NLGN1: variants seen among roughly 807,000 people sequenced by gnomAD.
NLGN1 encodes the protein neuroligin-1.
A neutral mutation model predicts 65.5 loss-of-function variants in NLGN1; 12 were observed. The ratio of observed to expected loss-of-function variants is 0.18; its 90% CI spans 0.12 to 0.30. The LOEUF (loss-of-function observed/expected upper bound fraction) is 0.30. Among genes scored for constraint, NLGN1 ranks in the 10% least tolerant of loss-of-function variants. NLGN1 has a pLI of 1.00. For missense variants in NLGN1, 750 were observed against 1,007.1 expected (o/e 0.74, Z 3.46); for synonymous variants, 350 against 359.5 (o/e 0.97, Z 0.30).
intron 4 of NLGN1, among the ~76,000 whole-genome samples, chr3:174,064,245 T>C (rs1056582841): frequency 3.3e-5 from 5 of 152,058 alleles, no homozygotes; most frequent in African/African-American, 9.7e-5. Flanking sequence ...AGACAACACT[T>C]TTTTCCCAAC....
chr3:173,570,390 T>C (rs2149329128), intron 2 of NLGN1, among the ~76,000 whole-genome samples: 1 of 152,256 alleles, frequency 6.6e-6, no homozygotes, highest in East Asian at 1.9e-4. Context: ...GGAAGGGAAG[T>C]GGCCAGCTTG....
At chr3:173,522,691 C>G (rs935769928) in intron 2 of NLGN1, among the ~76,000 whole-genome samples, 11 of 152,126 alleles carry the variant, frequency 7.2e-5, no homozygotes, top group Non-Finnish European at 1.2e-4. Flanking sequence ...CCTTGGCCTC[C>G]CAAAGTGCTG....
At chr3:173,562,872 G>A (rs1016265872) in intron 2 of NLGN1, among the ~76,000 whole-genome samples, 6 of 152,086 alleles carry the variant, frequency 3.9e-5, no homozygotes, top group African/African-American at 1.4e-4. Flanking sequence ...AATCAGATTT[G>A]TAGCTAAGGA....
At chr3:173,841,624 T>C (rs1578733787) in intron 4 of NLGN1, among the ~76,000 whole-genome samples, 1 of 152,140 alleles carries the variant, frequency 6.6e-6, no homozygotes, top group African/African-American at 2.4e-5. Flanking sequence ...GAAGTCTCAG[T>C]AGCAAATGAA....
intron 3 of NLGN1, among the ~76,000 whole-genome samples, chr3:173,674,442 AT>A (rs1267001344): frequency 2.0e-5 from 3 of 152,114 alleles, no homozygotes; most frequent in Non-Finnish European, 4.4e-5. Context: ...CAAAAAAAAA[AT>A]TTAGCCAACA....
intron 3 of NLGN1, among the ~76,000 whole-genome samples, chr3:173,716,853 TTGA>T (rs1483211090): frequency 6.6e-6 from 1 of 152,148 alleles, no homozygotes; most frequent in Admixed American, 6.6e-5. Flanking sequence ...GTCGTGTATC[TTGA>T]TGAAGATATC....
At chr3:173,666,360 GCT>G (rs973991740) in intron 3 of NLGN1, among the ~76,000 whole-genome samples, 1 of 152,054 alleles carries the variant, frequency 6.6e-6, no homozygotes, top group African/African-American at 2.4e-5. Context: ...CAAACCATTA[GCT>G]CAGATGTATT....
chr3:174,151,809 T>C (rs1333096551), intron 4 of NLGN1, among the ~76,000 whole-genome samples: 1 of 152,128 alleles, frequency 6.6e-6, no homozygotes, highest in African/African-American at 2.4e-5. Context: ...ATTCCTAAAG[T>C]CTTCGAAAGA....
chr3:173,584,058 GA>G (rs1427780059), intron 2 of NLGN1, among the ~76,000 whole-genome samples: 3 of 147,740 alleles, frequency 2.0e-5, no homozygotes, highest in Non-Finnish European at 4.4e-5. Flanking sequence ...TGCCATTGGG[GA>G]AATTTTTGTA....
intron 4 of NLGN1, among the ~76,000 whole-genome samples, chr3:173,994,452 A>G (rs1158357942): frequency 7.6e-6 from 1 of 131,416 alleles, no homozygotes; most frequent in African/African-American, 3.0e-5. Context: ...TTTTATTTTA[A>G]CCTTGAGAAA....
chr3:173,600,820 A>C (rs1286586513), intron 2 of NLGN1, among the ~76,000 whole-genome samples: 1 of 151,558 alleles, frequency 6.6e-6, no homozygotes, highest in Non-Finnish European at 1.5e-5. Context: ...ATTCAGTGCA[A>C]TAGCTTGCAC....
chr3:174,156,830 T>G (rs1470566217), intron 4 of NLGN1, among the ~76,000 whole-genome samples: 1 of 151,692 alleles, frequency 6.6e-6, no homozygotes, highest in East Asian at 1.9e-4. Context: ...CGTGGCAAGT[T>G]AATTGTAAAC....
chr3:173,769,569 T>G (rs1779283745), intron 3 of NLGN1, among the ~76,000 whole-genome samples: 1 of 152,222 alleles, frequency 6.6e-6, no homozygotes, highest in African/African-American at 2.4e-5. Context: ...CTGTCTGCCC[T>G]TCTAGGTGCT....
intron 4 of NLGN1, among the ~76,000 whole-genome samples, chr3:173,839,430 G>GT (rs536743422): frequency 0.053 from 7,618 of 143,552 alleles, 477 homozygotes; most frequent in East Asian, 0.19. Context: ...TTGTTTTTTT[G>GT]TTTTTTTTTT....
chr3:174,256,921 T>C (rs977047328), intron 4 of NLGN1, among the ~76,000 whole-genome samples: 1 of 152,072 alleles, frequency 6.6e-6, no homozygotes, highest in African/African-American at 2.4e-5. Context: ...GGGATCTAAT[T>C]AAACTAAAGA....
intron 3 of NLGN1, among the ~76,000 whole-genome samples, chr3:173,743,309 C>T (rs746187060): frequency 6.6e-6 from 1 of 152,100 alleles, no homozygotes; most frequent in Non-Finnish European, 1.5e-5. Flanking sequence ...TTCTGAGTAG[C>T]TTGTCCTAGA....
intron 3 of NLGN1, among the ~76,000 whole-genome samples, chr3:173,661,830 G>A (rs530858823): frequency 1.4e-4 from 22 of 152,080 alleles, no homozygotes; most frequent in African/African-American, 4.8e-4. Context: ...TACCCATATC[G>A]TTAATATAAA....
At chr3:173,580,694 TCTC>T (rs1254480014) in intron 2 of NLGN1, among the ~76,000 whole-genome samples, 1 of 151,976 alleles carries the variant, frequency 6.6e-6, no homozygotes, top group Non-Finnish European at 1.5e-5. Context: ...TCCTTTCACT[TCTC>T]CTTTTACTCC....
intron 3 of NLGN1, among the ~76,000 whole-genome samples, chr3:173,746,866 G>A (rs899322554): frequency 2.0e-5 from 3 of 151,584 alleles, no homozygotes; most frequent in Non-Finnish European, 4.4e-5. Context: ...AACATAACAA[G>A]ATCTTCTCCC....
Sources: gnomAD v4.1 joint callset for allele counts (sites outside exome capture counted in the v4.1 genomes callset) on GRCh38, gnomAD v4.1.1 for gene constraint, MANE v1.5 for transcripts, NCBI Gene and HGNC (gene_info 2026-07-23, HGNC 2026-07-21) for gene names.